DHX35: variants seen among roughly 807,000 people sequenced by gnomAD.
DHX35 encodes DEAH-box helicase 35.
DHX35 carries 84 observed loss-of-function variants against 99.6 expected under a neutral mutation model. That is an observed-to-expected ratio of 0.84 (90% CI 0.71 to 1.01). The LOEUF is 1.01. Ranked by LOEUF, DHX35 falls within the 50% of genes least tolerant of loss-of-function variation. DHX35 has a pLI of 0.00. For missense variants in DHX35, 852 were observed against 888.5 expected (o/e 0.96, Z 0.52); for synonymous variants, 331 against 316.2 (o/e 1.05, Z -0.50).
intron 1 of DHX35, among the ~76,000 whole-genome samples, chr20:38,968,368 G>A (rs1351563726): frequency 3.9e-5 from 6 of 152,096 alleles, no homozygotes; most frequent in Non-Finnish European, 8.8e-5. Context: ...GAGCCTTATT[G>A]CCATCCTACA....
chr20:38,965,643 A>G lies in DHX35; in HGVS notation c.40+3236A>G, dbSNP rs556103641. ...CAATTTTTTTTTTAAGAAGCCTAATATCCAGATCTGAATGGGAAAATTTTA... is the reference window on the plus strand; with the variant it reads ...CAATTTTTTTTTTAAGAAGCCTAATGTCCAGATCTGAATGGGAAAATTTTA... On this transcript the variant is annotated intron_variant, in intron 1 of 21. Transcript: ENST00000252011. 1.3e-4 allele frequency among the ~76,000 whole-genome samples: 20 copies of G among 152,262 alleles called. No homozygotes were observed. The South Asian group carries it at 4.2e-3, about 32-fold the overall frequency.
chr20:39,037,936 G>C (rs1006801444), intron 21 of DHX35, among the ~76,000 whole-genome samples: 2 of 151,618 alleles, frequency 1.3e-5, no homozygotes, highest in African/African-American at 4.9e-5. Flanking sequence ...AAAAAAAAAA[G>C]TGTCACTAGG....
chr20:39,011,621 G>A (rs1190611716), intron 13 of DHX35, among the ~76,000 whole-genome samples: 9 of 152,172 alleles, frequency 5.9e-5, no homozygotes, highest in African/African-American at 4.8e-5. Flanking sequence ...GATTATAGGC[G>A]TGAGCCACCA....
rs2087057838 is a variant in DHX35, at chr20:39,031,740, C to T, written c.1955+965C>T. Among the ~76,000 whole-genome samples, 11 of 152,272 alleles carry T rather than the reference C, an allele frequency of 7.2e-5. No homozygotes were observed. In the South Asian group the frequency reaches 2.3e-3, roughly 32 times the overall value. On this transcript the variant is annotated intron_variant, in intron 20 of 21. Transcript: ENST00000252011. ...AGTGCTGGGCTCAGCACATCATGTG[C>T]CAGTGAGAGTCAGGGCAGGCTTCAT...
chr20:38,962,463 G>T, intron 1 of DHX35, 56 bp downstream of exon 1: 1 of 1,584,806 alleles, frequency 6.3e-7, no homozygotes, highest in Admixed American at 1.8e-5. Context: ...CGGTCTTGGC[G>T]CCGCGGCCGG....
intron 8 of DHX35, among the ~76,000 whole-genome samples, chr20:38,998,282 G>A (rs2086462157): frequency 1.3e-5 from 2 of 152,220 alleles, no homozygotes; most frequent in Admixed American, 6.5e-5. Flanking sequence ...CATAAGTCCA[G>A]CTACTTGAAG....
intron 8 of DHX35, among the ~76,000 whole-genome samples, chr20:38,995,911 A>G (rs978131809): frequency 6.6e-6 from 1 of 152,154 alleles, no homozygotes; most frequent in Non-Finnish European, 1.5e-5. Context: ...TTCGAGTCTT[A>G]TCTTACCTGC....
intron 17 of DHX35, 90 bp from the exon 18 acceptor site, chr20:39,025,140 T>G: frequency 7.0e-7 from 1 of 1,421,028 alleles, no homozygotes; most frequent in Non-Finnish European, 9.5e-7. Flanking sequence ...GAACAGCACA[T>G]GGGGGAAGAG....
intron 17 of DHX35, among the ~76,000 whole-genome samples, 166 bp downstream of exon 17, chr20:39,023,933 T>A (rs1374413459): frequency 6.6e-6 from 1 of 152,228 alleles, no homozygotes; most frequent in Non-Finnish European, 1.5e-5. Context: ...TCGGGCTTTC[T>A]GCCTGAGTTT....
At chr20:38,987,534 C>T (rs925718298) in intron 4 of DHX35, among the ~76,000 whole-genome samples, 4 of 152,258 alleles carry the variant, frequency 2.6e-5, no homozygotes, top group African/African-American at 9.6e-5. Context: ...GCGTCCGGTC[C>T]TATTTTCTTT....
At chr20:39,034,088 A>G (rs969759532) in intron 20 of DHX35, 118 bp from the exon 21 acceptor site, 19 of 722,528 alleles carry the variant, frequency 2.6e-5, no homozygotes, top group Non-Finnish European at 1.7e-5. Flanking sequence ...TGTTTAGCAC[A>G]GTGTCTGGCA....
At position 38,995,083 on chromosome 20, in the gene DHX35, A is replaced by G. The variant is rs1601401760; in HGVS notation, c.642+203A>G. ...TTAGACTGTAATTAATTGAGCTCATAATTACCTACCTGTCTTGTTTATCTA... is the reference window on the plus strand; with the variant it reads ...TTAGACTGTAATTAATTGAGCTCATGATTACCTACCTGTCTTGTTTATCTA... On this transcript the variant is annotated intron_variant, in intron 8 of 21. Coordinates refer to ENST00000252011, the MANE Select transcript of DHX35 (RefSeq NM_021931.4). 3.3e-5 allele frequency among the ~76,000 whole-genome samples: 5 copies of G among 152,268 alleles called. No homozygotes were observed. In the South Asian group the frequency reaches 1.0e-3, roughly 32 times the overall value.
At chr20:38,966,446 G>A (rs2085912655) in intron 1 of DHX35, among the ~76,000 whole-genome samples, 1 of 152,222 alleles carries the variant, frequency 6.6e-6, no homozygotes, top group African/African-American at 2.4e-5. Flanking sequence ...GAGGTGGGTG[G>A]ATCACCAGAG....
chr20:39,006,699 G>A lies in DHX35; in HGVS notation c.1222+343G>A, dbSNP rs16987750. Reference sequence around the variant, plus strand: ...CCTTTCTTTCTTGACTTAATGTGCTGTTTTTGTATTCCAAGATCCCTGAGT... The same window carrying A: ...CCTTTCTTTCTTGACTTAATGTGCTATTTTTGTATTCCAAGATCCCTGAGT... On this transcript the variant is annotated intron_variant, in intron 12 of 21. Coordinates refer to ENST00000252011, the MANE Select transcript of DHX35 (RefSeq NM_021931.4). Among the ~76,000 whole-genome samples, 688 of 152,278 alleles carry A rather than the reference G, an allele frequency of 4.5e-3. 7 individuals are homozygous for A. Among genetic ancestry groups the A allele is most frequent in the African/African-American group, 0.016 (663 of 41,552 alleles).
chr20:39,034,379 G>C, intron 21 of DHX35, 62 bp downstream of exon 21: 1 of 1,425,726 alleles, frequency 7.0e-7, no homozygotes, highest in Non-Finnish European at 9.9e-7. Flanking sequence ...GTTTTTAAAT[G>C]TACTTTTTTT....
rs11468335 is a variant in DHX35 at position 38,976,418 on chromosome 20, CTTTT to C, written c.267+3780_267+3783del. On this transcript the variant is annotated intron_variant, in intron 3 of 21. Coordinates refer to ENST00000252011, the MANE Select transcript of DHX35 (RefSeq NM_021931.4). ...CTATACATGTTTTAGTATGCCTTGACTTTTTTTTTTTTTTTTACTTATTCTTTCA... is the reference window on the plus strand; with the variant it reads ...CTATACATGTTTTAGTATGCCTTGACTTTTTTTTTTTTACTTATTCTTTCA... Among the ~76,000 whole-genome samples, 714 of 133,204 alleles carry C rather than the reference CTTTT, an allele frequency of 5.4e-3. 8 individuals are homozygous for C. The highest frequency in any genetic ancestry group is 0.018 in the African/African-American group (662 of 36,420). The allele number at this position is 133,204 out of a possible 152,430, so 87.4% of individuals were successfully genotyped here.
chr20:39,033,534 G>A (rs1403600651), intron 20 of DHX35, among the ~76,000 whole-genome samples: 1 of 152,072 alleles, frequency 6.6e-6, no homozygotes, highest in Non-Finnish European at 1.5e-5. Context: ...TTTTTGAGGG[G>A]TGGGGAACCA....
chr20:39,036,674 C>T (rs993174040), intron 21 of DHX35, among the ~76,000 whole-genome samples: 3 of 141,966 alleles, frequency 2.1e-5, no homozygotes, highest in Non-Finnish European at 3.0e-5. Flanking sequence ...TGCAGTGAGC[C>T]GAGATCACAC....
intron 1 of DHX35, among the ~76,000 whole-genome samples, chr20:38,966,530 G>A (rs73287173): frequency 0.037 from 5,659 of 152,270 alleles, 352 homozygotes; most frequent in African/African-American, 0.13. Context: ...TGAGCTGGGT[G>A]CGGTGGTGCG....
Sources: gnomAD v4.1 joint callset for allele counts (sites outside exome capture counted in the v4.1 genomes callset) on GRCh38, gnomAD v4.1.1 for gene constraint, MANE v1.5 for transcripts, NCBI Gene and HGNC (gene_info 2026-07-23, HGNC 2026-07-21) for gene names.